The following FGR variants were observed in gnomAD, a reference collection of about 807,000 sequenced individuals.
FGR encodes FGR proto-oncogene, Src family tyrosine kinase.
Under a neutral mutation model 63.2 loss-of-function variants are expected in FGR, and 26 were observed. The ratio of observed to expected loss-of-function variants is 0.41; its 90% confidence interval spans 0.30 to 0.57. FGR has a LOEUF of 0.57. FGR is among the 20% of genes least tolerant of loss of function. FGR has a pLI of 0.27. For missense variants in FGR, 511 were observed against 690.8 expected, an observed-to-expected ratio of 0.74 and a Z score of 2.92; for synonymous variants, 286 against 277.7, an observed-to-expected ratio of 1.03 and a Z score of -0.30.
At chr1:27,619,905 C>T (rs2089888481) in intron 5 of FGR, among the ~76,000 whole-genome samples, 1 of 152,220 alleles carries the variant, frequency 6.6e-6, no homozygotes, top group African/African-American at 2.4e-5. Flanking sequence ...GTCCTGGATT[C>T]TCACTCTGCA....
chr1:27,617,401 A>G lies in FGR; in HGVS notation c.429-105T>C, dbSNP rs77456230. On this transcript the variant is annotated intron_variant, in intron 5 of 12. Coordinates refer to ENST00000374005, the MANE Select transcript of FGR (RefSeq NM_005248.3). The surrounding 1 kb of genome is among the most constrained non-coding windows in gnomAD (Gnocchi z 4.5). ...CAAGACTCCATTTTCCCCATGTGTAAAATGGGGCTGGTACACCTGCTTCAC... is the reference window on the plus strand; with the variant it reads ...CAAGACTCCATTTTCCCCATGTGTAGAATGGGGCTGGTACACCTGCTTCAC... 328 of 783,514 alleles carry G rather than the reference A, an allele frequency of 4.2e-4. 4 individuals carry two copies. The African/African-American group carries it at 5.3e-3, about 13-fold the overall frequency. The allele number at this position is 783,514 out of a possible 1,614,324, so 48.5% of individuals were successfully genotyped here.
At position 27,623,207 on chromosome 1, in the gene FGR, C is replaced by T. The variant is rs2089962109; in HGVS notation, c.227-63G>A. 5 of 1,254,482 alleles carry T rather than the reference C, an allele frequency of 4.0e-6. No individual in the cohort carries two copies. The East Asian group carries it at 1.2e-4, about 29-fold the overall frequency. The allele number at this position is 1,254,482 out of a possible 1,614,324, so 77.7% of individuals were successfully genotyped here. A position where few individuals can be genotyped will look rare whatever the true frequency, so the allele number is the denominator to read the frequency against. On this transcript the variant is annotated intron_variant, in intron 3 of 12. Transcript: ENST00000374005. ...GGCAGAAGCACCAAGGGGGCTGCAC[C>T]CCAAATTCCTGTTCCCCAGCCAGGT... is the stretch of plus-strand genomic sequence containing the variant.
rs2089822150 is a variant in FGR at position 27,616,890 on chromosome 1, T to G, written c.649A>C (p.Asn217His). ...GYYITTRVQF[N>H]SVQELVQHYM... ...TGCTGCACCAGCTCCTGCACCGAGT[T>G]GAACTGAACCCGTGTGGTGATGTAG... Residue 217 changes from asparagine to histidine, a missense_variant, in exon 7 of 13, where the codon AAC becomes CAC. Asn to His is a moderately conservative substitution (Grantham distance 68). Transcript: ENST00000374005. This position sits in a 1 kb window ranked among gnomAD's most constrained non-coding sequence, Gnocchi z 4.3. 6.2e-7 allele frequency: 1 copy of G among 1,614,050 alleles called. No individual in the cohort carries two copies. The highest frequency in any genetic ancestry group is 8.5e-7 in the Non-Finnish European group (1 of 1,180,028).
At chr1:27,621,502 G>A (rs2089924681) in intron 5 of FGR, 57 bp downstream of exon 5, 1 of 1,275,490 alleles carries the variant, frequency 7.8e-7, no homozygotes, top group South Asian at 1.2e-5. Flanking sequence ...GGTGGCCTTG[G>A]AGTCTGGACT....
At chr1:27,621,526 C>T (rs766452762) in intron 5 of FGR, 33 bp downstream of exon 5, 2 of 1,536,048 alleles carry the variant, frequency 1.3e-6, no homozygotes, top group Non-Finnish European at 1.8e-6. Context: ...GGGTCCTGTC[C>T]ATAGGGCTGG....
At chr1:27,614,336 A>G in intron 11 of FGR, 94 bp downstream of exon 11, 1 of 1,405,036 alleles carries the variant, frequency 7.1e-7, no homozygotes, top group Non-Finnish European at 9.6e-7. Context: ...GACTCGGGCG[A>G]CCTGGAGTGA....
At chr1:27,627,022 A>G (rs564230736) in intron 1 of FGR, among the ~76,000 whole-genome samples, 4 of 151,894 alleles carry the variant, frequency 2.6e-5, no homozygotes, top group Non-Finnish European at 5.9e-5. Context: ...ATCTTTTTTT[A>G]ATTAGCCAGT....
At chr1:27,634,901 A>T (rs2090157449) in intron 1 of FGR, among the ~76,000 whole-genome samples, 164 bp downstream of exon 1, 1 of 151,828 alleles carries the variant, frequency 6.6e-6, no homozygotes, top group African/African-American at 2.4e-5. Flanking sequence ...TTTCCTCCTT[A>T]GGCCTTTTCG....
At chr1:27,619,482 C>T (rs1475492184) in intron 5 of FGR, among the ~76,000 whole-genome samples, 1 of 152,302 alleles carries the variant, frequency 6.6e-6, no homozygotes, top group East Asian at 1.9e-4. Context: ...TGTGTCACCG[C>T]CCCCAGCCCC....
At chr1:27,626,285 T>A in intron 1 of FGR, 1 of 398,402 alleles carries the variant, frequency 2.5e-6, no homozygotes, top group Non-Finnish European at 4.4e-6. Flanking sequence ...GATGTGAGAA[T>A]GGAGAGTTTA....
rs768078200 is a variant in FGR, at chr1:27,615,716, T to C, written c.811A>G (p.Thr271Ala). The C allele has an allele frequency of 6.2e-7, 1 of 1,606,910 alleles. No homozygotes were observed. The change falls in exon 8 of 13, where the codon ACC (threonine) becomes GCC (alanine). Residue 271 changes from threonine to alanine, a missense_variant. By Grantham distance (58) the Thr-to-Ala change is moderately conservative. Transcript: ENST00000374005. This position sits in a 1 kb window ranked among gnomAD's most constrained non-coding sequence, Gnocchi z 7.6. ...SSITLERRLGTGCFGDVWLGT... is the reference protein window; with the variant it reads ...SSITLERRLGAGCFGDVWLGT... ...AGCCACACATCCCCGAAGCAGCCGG[T>C]GCCCAGCCGGCGCTCCAGCGTGATG...
chr1:27,616,670 G>T lies in FGR; in HGVS notation c.682+187C>A, dbSNP rs2089818251. Reference sequence around the variant, plus strand: ...GCTCAGTCATTAGGGGGTGCTGCTTGGTGAAGGACTGCTTTCCTCCAGAAG... The same window carrying T: ...GCTCAGTCATTAGGGGGTGCTGCTTTGTGAAGGACTGCTTTCCTCCAGAAG... On this transcript the variant is annotated intron_variant, in intron 7 of 12. Transcript: ENST00000374005. The surrounding 1 kb of genome is among the most constrained non-coding windows in gnomAD (Gnocchi z 4.3). Among the ~76,000 whole-genome samples the T allele has an allele frequency of 6.6e-6, 1 of 152,216 alleles. No individual in the cohort carries two copies. Among genetic ancestry groups the T allele is most frequent in the Non-Finnish European group, 1.5e-5 (1 of 68,038 alleles).
chr1:27,631,780 G>A (rs1234168873), intron 1 of FGR, among the ~76,000 whole-genome samples: 2 of 152,168 alleles, frequency 1.3e-5, no homozygotes, highest in Non-Finnish European at 2.9e-5. Context: ...GGTGAGGTGA[G>A]AGGGCTGAGC....
intron 4 of FGR, among the ~76,000 whole-genome samples, chr1:27,622,574 C>G (rs568354860): frequency 1.3e-5 from 2 of 152,124 alleles, no homozygotes; most frequent in Admixed American, 6.5e-5. Context: ...GGTGCAATCT[C>G]AGCTCACTGC....
At chr1:27,633,376 C>T (rs2090133581) in intron 1 of FGR, among the ~76,000 whole-genome samples, 1 of 152,166 alleles carries the variant, frequency 6.6e-6, no homozygotes, top group Non-Finnish European at 1.5e-5. Flanking sequence ...ACATCAGGGC[C>T]CCTGAGAGTA....
intron 3 of FGR, 138 bp downstream of exon 3, chr1:27,623,553 A>C: frequency 1.2e-6 from 1 of 867,556 alleles, no homozygotes; most frequent in Non-Finnish European, 1.9e-6. Context: ...AGACTCCCTC[A>C]GCCCATGTGA....
chr1:27,620,001 C>T (rs2089890287), intron 5 of FGR, among the ~76,000 whole-genome samples: 1 of 152,110 alleles, frequency 6.6e-6, no homozygotes, highest in South Asian at 2.1e-4. Context: ...TCAGTTTCCT[C>T]ATCTGTAAAA....
At chr1:27,624,466 T>A (rs1481224487) in intron 2 of FGR, among the ~76,000 whole-genome samples, 1 of 152,138 alleles carries the variant, frequency 6.6e-6, no homozygotes, top group Non-Finnish European at 1.5e-5. Flanking sequence ...CCTATTGCTT[T>A]GATATGTTGT....
At chr1:27,630,888 C>T (rs113479842) in intron 1 of FGR, among the ~76,000 whole-genome samples, 3 of 152,098 alleles carry the variant, frequency 2.0e-5, no homozygotes, top group African/African-American at 7.2e-5. Flanking sequence ...TGCCCTGTGG[C>T]CCTCCCCAGC....
Sources: allele counts gnomAD v4.1 joint callset (sites outside exome capture counted in the v4.1 genomes callset), GRCh38; gene constraint gnomAD v4.1.1; non-coding constraint Gnocchi (gnomAD v3.1); transcripts MANE v1.5; gene names NCBI Gene and HGNC (gene_info 2026-07-23, HGNC 2026-07-21).